TET2: variants seen among roughly 807,000 people sequenced by gnomAD.
The protein encoded by TET2 is tet methylcytosine dioxygenase 2.
A neutral mutation model predicts 142.9 loss-of-function variants in TET2; 299 were observed. The observed-to-expected ratio is 2.09, with a 90% CI of 1.90 to 2.30. TET2 has a LOEUF of 2.30. Ranked by LOEUF, TET2 falls within the 30% of genes most tolerant of loss-of-function variation. TET2 has a pLI of 0.00. For missense variants in TET2, 2,418 were observed against 2,378.0 expected (o/e 1.02, Z -0.35); for synonymous variants, 819 against 849.0 (o/e 0.96, Z 0.61).
At position 105,241,429 on chromosome 4, in the gene TET2, G is replaced by T. The variant is rs1412752935; in HGVS notation, c.3500G>T (p.Arg1167Met). ...VAAIREIMEERFGQKGKAIRI... is the reference protein window; with the variant it reads ...VAAIREIMEEMFGQKGKAIRI... ...GCTATTAGAGAAATCATGGAAGAAA[G>T]GTAATTAACGCAAAGGCACAGGGCA... The change falls in exon 4 of 11, where the codon AGG (arginine) becomes ATG (methionine). Residue 1167 changes from arginine (R) to methionine (M), a missense_variant and splice_region_variant. Coordinates refer to ENST00000380013, the MANE Select transcript of TET2 (RefSeq NM_001127208.3). The T allele has an allele frequency of 6.5e-7, 1 of 1,549,080 alleles. No individual in the cohort carries two copies. The highest frequency in any genetic ancestry group is 8.7e-7 in the Non-Finnish European group (1 of 1,146,240).
chr4:105,264,466 C>T (rs2110292917), intron 8 of TET2, among the ~76,000 whole-genome samples: 1 of 152,192 alleles, frequency 6.6e-6, no homozygotes, highest in East Asian at 1.9e-4. Context: ...AATAACAAAG[C>T]ATTGATGTTC....
chr4:105,277,912 T>A lies in TET2; in HGVS notation c.*1393T>A. ...GATAATTATGTACATTGTGACGTTG[T>A]CATTTCTTAGCTTAAGTGTCCTCTT... is the stretch of plus-strand genomic sequence containing the variant. On this transcript the variant is annotated 3_prime_UTR_variant, in exon 11 of 11. Transcript: ENST00000380013. 4.6e-6 allele frequency: 1 copy of A among 217,708 alleles called. No homozygotes were observed. Among genetic ancestry groups the A allele is most frequent in the Non-Finnish European group, 9.2e-6 (1 of 108,394 alleles). The allele number at this position is 217,708 out of a possible 1,614,324, so 13.5% of individuals were successfully genotyped here.
In TET2 at chr4:105,162,983, A is replaced by G. The variant is rs1489695020; in HGVS notation, c.-193+16004A>G. Among the ~76,000 whole-genome samples the G allele has an allele frequency of 3.3e-5, 5 of 152,362 alleles. No homozygotes were observed. In the East Asian group the frequency reaches 9.6e-4, roughly 29 times the overall value. On this transcript the variant is annotated intron_variant, in intron 1 of 10. Coordinates refer to ENST00000380013, the MANE Select transcript of TET2 (RefSeq NM_001127208.3). ...AGTGGTATTTATTGAACTAAACACC[A>G]GCAGCTGTGCTTAGCATGGATAATT...
intron 1 of TET2, among the ~76,000 whole-genome samples, chr4:105,177,420 C>A (rs994952091): frequency 2.0e-5 from 3 of 152,224 alleles, no homozygotes; most frequent in East Asian, 1.9e-4. Flanking sequence ...ACAACTCTTA[C>A]AACTCAACAG....
chr4:105,267,108 A>G (rs1278494143), intron 8 of TET2, among the ~76,000 whole-genome samples: 1 of 152,040 alleles, frequency 6.6e-6, no homozygotes, highest in South Asian at 2.1e-4. Context: ...AAAAGAAAAA[A>G]GACTCTCCAC....
intron 2 of TET2, among the ~76,000 whole-genome samples, chr4:105,195,082 CAT>C (rs1222848279): frequency 6.6e-6 from 1 of 152,134 alleles, no homozygotes; most frequent in Non-Finnish European, 1.5e-5. Flanking sequence ...TGCATATCCA[CAT>C]ATGATGTGTC....
intron 2 of TET2, among the ~76,000 whole-genome samples, chr4:105,213,159 G>A (rs6855629): frequency 0.28 from 41,930 of 151,884 alleles, 6,535 homozygotes; most frequent in Non-Finnish European, 0.36. Flanking sequence ...TTCTGACATA[G>A]AAATATACAG....
rs1731234782 is a variant in TET2, at chr4:105,276,571, TCAGTA to T, written c.*53_*57del. 2 of 1,508,576 alleles carry T rather than the reference TCAGTA, an allele frequency of 1.3e-6. No individual in the cohort carries two copies. The allele number at this position is 1,508,576 out of a possible 1,614,324, so 93.4% of individuals were successfully genotyped here. A position where few individuals can be genotyped will look rare whatever the true frequency, so the allele number is the denominator to read the frequency against. Reference sequence around the variant, plus strand: ...ACTTGAAAAGACCACAACCAACCTGTCAGTAGTATAGTTCTCATGACGTGGGCAGT... The same window carrying T: ...ACTTGAAAAGACCACAACCAACCTGTGTATAGTTCTCATGACGTGGGCAGT... On this transcript the variant is annotated 3_prime_UTR_variant, in exon 11 of 11. Transcript: ENST00000380013.
At chr4:105,197,453 C>G (rs1726160206) in intron 2 of TET2, among the ~76,000 whole-genome samples, 1 of 152,148 alleles carries the variant, frequency 6.6e-6, no homozygotes, top group South Asian at 2.1e-4. Flanking sequence ...CTGTTTTTCA[C>G]TGTCAGAGAA....
At chr4:105,272,979 T>C in intron 10 of TET2, 61 bp downstream of exon 10, 1 of 1,391,486 alleles carries the variant, frequency 7.2e-7, no homozygotes, top group Non-Finnish European at 9.6e-7. Flanking sequence ...AAAATGAAAA[T>C]TATTTTGGTT....
At chr4:105,259,526 C>A in intron 6 of TET2, 93 bp from the exon 7 acceptor site, 2 of 1,268,048 alleles carry the variant, frequency 1.6e-6, no homozygotes, top group African/African-American at 1.5e-5. Context: ...GACTTCTTTT[C>A]AAACTCATTT....
chr4:105,259,174 C>A (rs906867717), intron 6 of TET2, among the ~76,000 whole-genome samples: 7 of 152,132 alleles, frequency 4.6e-5, no homozygotes, highest in African/African-American at 1.4e-4. Flanking sequence ...TCACTTGAGC[C>A]CAGAAGTTCA....
intron 2 of TET2, among the ~76,000 whole-genome samples, chr4:105,203,953 C>G (rs746614142): frequency 6.6e-6 from 1 of 151,996 alleles, no homozygotes; most frequent in African/African-American, 2.4e-5. Flanking sequence ...GTAATCGCAG[C>G]ACTTTGGGAG....
rs771967161 is a variant in TET2, at chr4:105,235,837, A to C, written c.1895A>C (p.Gln632Pro). ...ACAACACAGCTGGAGCACAAGTCAC[A>C]AATGTACCAAGTTGAAATGAATCAA... ...QKTTQLEHKSQMYQVEMNQGQ... is the reference protein window; with the variant it reads ...QKTTQLEHKSPMYQVEMNQGQ... Residue 632 changes from glutamine to proline, a missense_variant, in exon 3 of 11, where the codon CAA (glutamine) becomes CCA (proline). Transcript: ENST00000380013. The C allele has an allele frequency of 6.2e-7, 1 of 1,614,040 alleles. No individual in the cohort carries two copies. The highest frequency in any genetic ancestry group is 8.5e-7 in the Non-Finnish European group (1 of 1,179,978).
In TET2 at chr4:105,224,803, C is replaced by T. The variant is rs559190709; in HGVS notation, c.-46-9094C>T. Reference sequence around the variant, plus strand: ...GTGGCCATATAATTGTTGCATGTTTCTATTTATGTTAAATTGCCTGGTTAT... The same window carrying T: ...GTGGCCATATAATTGTTGCATGTTTTTATTTATGTTAAATTGCCTGGTTAT... On this transcript the variant is annotated intron_variant, in intron 2 of 10. Coordinates refer to ENST00000380013, the MANE Select transcript of TET2 (RefSeq NM_001127208.3). Among the ~76,000 whole-genome samples, 55 of 148,670 alleles carry T rather than the reference C, an allele frequency of 3.7e-4. 1 individual carries two copies. The highest frequency in any genetic ancestry group is 3.5e-3 in the Admixed American group (51 of 14,714).
chr4:105,235,730 C>T lies in TET2; in HGVS notation c.1788C>T (p.Leu596=), dbSNP rs1409062627. ...LPSILQYQPN[L]SNQMTSKQYT... ...CAATTCTTCAGTATCAACCCAATCT[C>T]TCCAATCAAATGACCTCCAAACAAT... is the stretch of plus-strand genomic sequence containing the variant. The change falls in exon 3 of 11, where the codon CTC becomes CTT. Residue 596 remains leucine, a synonymous_variant. Transcript: ENST00000380013. 1 of 1,614,034 alleles carries T rather than the reference C, an allele frequency of 6.2e-7. No individual in the cohort carries two copies. The highest frequency in any genetic ancestry group is 1.1e-5 in the South Asian group (1 of 91,090).
chr4:105,276,809 T>C lies in TET2; in HGVS notation c.*290T>C. On this transcript the variant is annotated 3_prime_UTR_variant, in exon 11 of 11. Coordinates refer to ENST00000380013, the MANE Select transcript of TET2 (RefSeq NM_001127208.3). ...TTTACATTTTTAAACACTGGTTCTA[T>C]TATTGGACGAGATGATATGTAAATG... 2.9e-6 allele frequency: 1 copy of C among 341,658 alleles called. No homozygotes were observed. Among genetic ancestry groups the C allele is most frequent in the Non-Finnish European group, 5.4e-6 (1 of 185,548 alleles). 21.2% of individuals were successfully genotyped at this position (341,658 alleles called of 1,614,324 possible). A position where few individuals can be genotyped will look rare whatever the true frequency, so the allele number is the denominator to read the frequency against.
intron 1 of TET2, among the ~76,000 whole-genome samples, chr4:105,156,872 AT>A (rs1723592827): frequency 6.6e-6 from 1 of 152,116 alleles, no homozygotes; most frequent in African/African-American, 2.4e-5. Flanking sequence ...GGTCTTATTA[AT>A]TTTTTTAACC....
rs759827388 is a variant in TET2, at chr4:105,234,912, C to A, written c.970C>A (p.Gln324Lys). 1.9e-6 allele frequency: 3 copies of A among 1,614,092 alleles called. No individual in the cohort carries two copies. The Admixed American group carries it at 5.0e-5, about 27-fold the overall frequency. ...CTTTCAGAAACCAGAACAACTACAA[C>A]AACAAAAATCAGTTTTTGAGATATG... The part of the protein sequence containing the change: ...CSFQKPEQLQ[Q>K]QKSVFEICPS... The change falls in exon 3 of 11, where the codon CAA (glutamine) becomes AAA (lysine). Residue 324 changes from glutamine (Q) to lysine (K), a missense_variant. Transcript: ENST00000380013.
Sources: allele counts gnomAD v4.1 joint callset (sites outside exome capture counted in the v4.1 genomes callset), GRCh38; gene constraint gnomAD v4.1.1; transcripts MANE v1.5; gene names NCBI Gene and HGNC (gene_info 2026-07-23, HGNC 2026-07-21).